The following ELP4 variants were observed in gnomAD, a reference collection of about 807,000 sequenced individuals.
ELP4 encodes elongator acetyltransferase complex subunit 4, also known as elongator complex protein 4.
ELP4 carries 51 observed loss-of-function variants against 48.9 expected under a neutral mutation model. The ratio of observed to expected loss-of-function variants is 1.04; its 90% CI spans 0.83 to 1.32. The LOEUF (loss-of-function observed/expected upper bound fraction) is 1.32, where lower values mean the gene tolerates loss of function less well. Among genes scored for constraint, ELP4 ranks in the 40% most tolerant of loss-of-function variants. ELP4 has a pLI of 0.00. For synonymous variants in ELP4, 210 were observed against 189.2 expected (o/e 1.11, Z -0.90); for missense variants, 519 against 514.6 (o/e 1.01, Z -0.08).
At chr11:31,732,843 G>A (rs1340403441) in intron 9 of ELP4, among the ~76,000 whole-genome samples, 1 of 152,140 alleles carries the variant, frequency 6.6e-6, no homozygotes. Context: ...TGATAAGAGG[G>A]ATAATTCACC....
chr11:31,616,533 T>C (rs1395160350), intron 5 of ELP4, among the ~76,000 whole-genome samples: 1 of 152,054 alleles, frequency 6.6e-6, no homozygotes, highest in African/African-American at 2.4e-5. Context: ...TTCTTGGATA[T>C]GACACCAAAA....
chr11:31,595,207 A>C (rs1406570966), intron 4 of ELP4, among the ~76,000 whole-genome samples: 1 of 152,174 alleles, frequency 6.6e-6, no homozygotes, highest in Non-Finnish European at 1.5e-5. Flanking sequence ...ATAAATATTC[A>C]ATGTAAGTGA....
chr11:31,674,709 C>T (rs773831691), intron 9 of ELP4, among the ~76,000 whole-genome samples: 1 of 152,332 alleles, frequency 6.6e-6, no homozygotes, highest in East Asian at 1.9e-4. Context: ...TTCCCTACAA[C>T]ACTGCAGTCT....
chr11:31,622,813 A>G (rs1944651132), intron 5 of ELP4, among the ~76,000 whole-genome samples: 1 of 151,640 alleles, frequency 6.6e-6, no homozygotes, highest in African/African-American at 2.4e-5. Flanking sequence ...CCATGTTTAT[A>G]TATTAGTATA....
chr11:31,533,417 G>T (rs2984814), intron 2 of ELP4, among the ~76,000 whole-genome samples: 35,025 of 116,166 alleles, frequency 0.3, 4,947 homozygotes, highest in Middle Eastern at 0.45. Context: ...TCGCTCTTTC[G>T]CCCAGGCCAG....
In ELP4 at chr11:31,786,658, T is replaced by A. The variant is rs1040876400; in HGVS notation, c.*3134T>A. On this transcript the variant is annotated 3_prime_UTR_variant, in exon 10 of 10. Coordinates refer to ENST00000640961, the MANE Select transcript of ELP4 (RefSeq NM_019040.5). ...AGCTGAATCTTCAAATAATACTGTATGAGTGAATCTTAGGAAACCTAGTGA... is the reference window on the plus strand; with the variant it reads ...AGCTGAATCTTCAAATAATACTGTAAGAGTGAATCTTAGGAAACCTAGTGA... 9.1e-6 allele frequency: 2 copies of A among 220,466 alleles called. No individual in the cohort carries two copies. The highest frequency in any genetic ancestry group is 1.8e-5 in the Non-Finnish European group (2 of 111,906). 13.7% of individuals were successfully genotyped at this position (220,466 alleles called of 1,614,324 possible).
chr11:31,520,055 G>T lies in ELP4; in HGVS notation c.224-1G>T. 1 of 1,612,612 alleles carries T rather than the reference G, an allele frequency of 6.2e-7. No homozygotes were observed. The highest frequency in any genetic ancestry group is 1.7e-5 in the Admixed American group (1 of 59,688). The stretch of plus-strand genomic sequence containing the variant: ...TTCTTCTGGTTTTGTTTCATTTCCA[G>T]GTGGAGGTTTAGCCGTTGGAACAGT... On this transcript the variant is annotated splice_acceptor_variant, in intron 1 of 9. Transcript: ENST00000640961. LOFTEE classifies it high-confidence loss of function.
chr11:31,643,520 G>T (rs576205512), intron 7 of ELP4, among the ~76,000 whole-genome samples: 1 of 151,910 alleles, frequency 6.6e-6, no homozygotes, highest in African/African-American at 2.4e-5. Context: ...GGAAAATAAG[G>T]AAATATTGAG....
At chr11:31,773,823 G>A (rs1156695433) in intron 9 of ELP4, among the ~76,000 whole-genome samples, 1 of 152,176 alleles carries the variant, frequency 6.6e-6, no homozygotes, top group Non-Finnish European at 1.5e-5. Context: ...CAGAAGACAA[G>A]ATACTTCCTG....
intron 9 of ELP4, among the ~76,000 whole-genome samples, chr11:31,744,814 C>T (rs1947543915): frequency 6.6e-6 from 1 of 152,074 alleles, no homozygotes; most frequent in Admixed American, 6.5e-5. Context: ...GAAGCATTCC[C>T]TTTGAAAACT....
intron 2 of ELP4, among the ~76,000 whole-genome samples, chr11:31,521,054 A>C (rs1030430577): frequency 1.5e-4 from 23 of 152,114 alleles, no homozygotes; most frequent in African/African-American, 5.3e-4. Context: ...TTGACCCCTA[A>C]GGTAACAAAA....
chr11:31,559,488 G>T (rs1565052993), intron 3 of ELP4, among the ~76,000 whole-genome samples: 1 of 152,176 alleles, frequency 6.6e-6, no homozygotes, highest in Non-Finnish European at 1.5e-5. Context: ...ATGAGGTGAA[G>T]CTTCTTACCT....
At chr11:31,556,310 A>G (rs1592113378) in intron 3 of ELP4, among the ~76,000 whole-genome samples, 1 of 151,938 alleles carries the variant, frequency 6.6e-6, no homozygotes, top group East Asian at 1.9e-4. Context: ...TCTTGTCTAA[A>G]GAAATTTTCT....
At chr11:31,548,223 AT>A (rs1444480784) in intron 3 of ELP4, among the ~76,000 whole-genome samples, 1 of 152,228 alleles carries the variant, frequency 6.6e-6, no homozygotes, top group Non-Finnish European at 1.5e-5. Context: ...ACGTGATTGT[AT>A]ATCTAGAAAA....
Position 31,770,729 on chromosome 11 carries a change from A to G in ELP4, c.1144-12664A>G, listed in dbSNP as rs182941711. On this transcript the variant is annotated intron_variant, in intron 9 of 9. Coordinates refer to ENST00000640961, the MANE Select transcript of ELP4 (RefSeq NM_019040.5). ...CCAGGAGTTTGAGACCAGCCTGGGCAACATAGTAAGACGCCCATCTCTACA... is the reference window on the plus strand; with the variant it reads ...CCAGGAGTTTGAGACCAGCCTGGGCGACATAGTAAGACGCCCATCTCTACA... 1.9e-3 allele frequency among the ~76,000 whole-genome samples: 295 copies of G among 151,926 alleles called. 1 individual carries two copies. The highest frequency in any genetic ancestry group is 6.8e-3 in the African/African-American group (280 of 41,448).
At chr11:31,551,717 A>C (rs766132408) in intron 3 of ELP4, among the ~76,000 whole-genome samples, 1 of 152,172 alleles carries the variant, frequency 6.6e-6, no homozygotes, top group Non-Finnish European at 1.5e-5. Flanking sequence ...TACCTGAATA[A>C]AGCTATTTCT....
chr11:31,649,787 A>G (rs1945282780), intron 8 of ELP4: 1 of 196,496 alleles, frequency 5.1e-6, no homozygotes, highest in African/African-American at 2.3e-5. Flanking sequence ...GCAAGGTGAT[A>G]GCCATATTTG....
chr11:31,630,694 C>T (rs967561163), intron 6 of ELP4, among the ~76,000 whole-genome samples: 8 of 152,050 alleles, frequency 5.3e-5, no homozygotes, highest in African/African-American at 1.9e-4. Flanking sequence ...AATCCAAATA[C>T]TTTGAGAGGC....
chr11:31,756,827 A>G (rs1455997788), intron 9 of ELP4, among the ~76,000 whole-genome samples: 1 of 152,198 alleles, frequency 6.6e-6, no homozygotes, highest in Admixed American at 6.5e-5. Context: ...TTATCTGCTT[A>G]TCCTTTGACA....
Sources: gnomAD v4.1 joint callset for allele counts (sites outside exome capture counted in the v4.1 genomes callset) on GRCh38, gnomAD v4.1.1 for gene constraint, MANE v1.5 for transcripts, NCBI Gene and HGNC (gene_info 2026-07-23, HGNC 2026-07-21) for gene names.